FSIP1: variants seen among roughly 807,000 people sequenced by gnomAD.
FSIP1 encodes the protein fibrous sheath-interacting protein 1.
In FSIP1, 65 loss-of-function variants were observed where a neutral mutation model predicts 60.9. That is an observed-to-expected ratio of 1.07 (90% CI 0.87 to 1.31). FSIP1 has a LOEUF of 1.31. Ranked by LOEUF, FSIP1 falls within the 40% of genes most tolerant of loss-of-function variation. The probability of loss-of-function intolerance (pLI) is 0.00; values close to 1 mark genes in which losing one functional copy is unlikely to be tolerated. For synonymous variants in FSIP1, 209 were observed against 221.2 expected, an observed-to-expected ratio of 0.94 and a Z score of 0.49; for missense variants, 675 against 665.5, an observed-to-expected ratio of 1.01 and a Z score of -0.16.
intron 10 of FSIP1, among the ~76,000 whole-genome samples, chr15:39,707,960 T>C (rs1018618614): frequency 6.6e-6 from 1 of 152,120 alleles, no homozygotes; most frequent in Non-Finnish European, 1.5e-5. Flanking sequence ...AGAAAACTAC[T>C]CTCTTGTTTG....
intron 9 of FSIP1, among the ~76,000 whole-genome samples, chr15:39,722,314 A>C (rs954526592): frequency 6.6e-6 from 1 of 152,068 alleles, no homozygotes; most frequent in Non-Finnish European, 1.5e-5. Context: ...CATTATGGTG[A>C]GTTGTATAAT....
chr15:39,618,086 A>G lies in FSIP1; in HGVS notation c.1348T>C (p.Ser450Pro). ...GTTTCTGATTCATTTAGCAATTTAG[A>G]GATGATGGACCTGGAAAGCTGGGGG... The part of the protein sequence containing the change: ...VFPQLSRSII[S>P]KLLNESETKV... The change falls in exon 11 of 12, where the codon TCT becomes CCT. Residue 450 changes from serine (S) to proline (P), a missense_variant. By Grantham distance (74) the Ser-to-Pro change is moderately conservative (BLOSUM62 -1). Coordinates refer to ENST00000350221, the MANE Select transcript of FSIP1 (RefSeq NM_152597.5). The G allele has an allele frequency of 6.2e-7, 1 of 1,614,170 alleles. No individual in the cohort carries two copies. The highest frequency in any genetic ancestry group is 8.5e-7 in the Non-Finnish European group (1 of 1,180,026).
intron 5 of FSIP1, among the ~76,000 whole-genome samples, chr15:39,756,546 A>G (rs1897306128): frequency 6.6e-6 from 1 of 152,008 alleles, no homozygotes; most frequent in South Asian, 2.1e-4. Context: ...TAAGTAGCCC[A>G]GGTTGGTCTC....
At chr15:39,628,658 C>G (rs900592076) in intron 10 of FSIP1, among the ~76,000 whole-genome samples, 1 of 152,210 alleles carries the variant, frequency 6.6e-6, no homozygotes, top group Non-Finnish European at 1.5e-5. Context: ...TGCAAACTCT[C>G]TCTCTGAAAG....
chr15:39,660,614 T>C (rs756361826), intron 10 of FSIP1, among the ~76,000 whole-genome samples: 4 of 152,214 alleles, frequency 2.6e-5, no homozygotes, highest in Non-Finnish European at 4.4e-5. Flanking sequence ...AGTACATAAG[T>C]AAGAACTTAC....
chr15:39,773,659 C>G (rs924152600), intron 2 of FSIP1, among the ~76,000 whole-genome samples: 18 of 152,058 alleles, frequency 1.2e-4, no homozygotes, highest in Non-Finnish European at 1.5e-5. Context: ...ATAGTGAGAC[C>G]CCTGTCTCTA....
chr15:39,770,496 T>C lies in FSIP1; in HGVS notation c.241A>G (p.Lys81Glu). The C allele has an allele frequency of 6.2e-7, 1 of 1,612,142 alleles. No individual in the cohort carries two copies. The highest frequency in any genetic ancestry group is 8.5e-7 in the Non-Finnish European group (1 of 1,179,716). The change falls in exon 3 of 12, where the codon AAA becomes GAA. Residue 81 changes from lysine to glutamate, a missense_variant. Physicochemically the swap from Lys to Glu is moderately conservative, Grantham distance 56. Transcript: ENST00000350221. ...TCATCTGATCCCTCTTCAGCCAATTTTATTTTCTCAGAGCAGCTTTCCTGC... is the reference window on the plus strand; with the variant it reads ...TCATCTGATCCCTCTTCAGCCAATTCTATTTTCTCAGAGCAGCTTTCCTGC... ...DKQESCSEKI[K>E]LAEEGSDEDL...
chr15:39,660,796 A>G (rs1893265032), intron 10 of FSIP1, among the ~76,000 whole-genome samples: 1 of 152,208 alleles, frequency 6.6e-6, no homozygotes, highest in Admixed American at 6.5e-5. Flanking sequence ...ATGGTGGCTC[A>G]CACCTGTGAT....
At chr15:39,674,085 C>G (rs183847636) in intron 10 of FSIP1, among the ~76,000 whole-genome samples, 3 of 150,686 alleles carry the variant, frequency 2.0e-5, no homozygotes, top group Non-Finnish European at 2.9e-5. Flanking sequence ...GACAGAGTCT[C>G]GCTCTGTCGC....
intron 5 of FSIP1, among the ~76,000 whole-genome samples, chr15:39,752,105 G>A (rs1897181204): frequency 6.6e-6 from 1 of 152,008 alleles, no homozygotes; most frequent in African/African-American, 2.4e-5. Context: ...AGTATATTTA[G>A]TTTAATGAGG....
At chr15:39,621,974 C>T (rs1425008725) in intron 10 of FSIP1, among the ~76,000 whole-genome samples, 1 of 152,120 alleles carries the variant, frequency 6.6e-6, no homozygotes, top group Non-Finnish European at 1.5e-5. Context: ...TTTTAAGGCA[C>T]TATATTGATA....
At chr15:39,707,797 C>T (rs1028382688) in intron 10 of FSIP1, among the ~76,000 whole-genome samples, 1 of 152,088 alleles carries the variant, frequency 6.6e-6, no homozygotes, top group African/African-American at 2.4e-5. Context: ...GGTCACACAG[C>T]TACTAAGTGA....
intron 10 of FSIP1, among the ~76,000 whole-genome samples, chr15:39,651,571 T>C (rs775330948): frequency 2.0e-5 from 3 of 152,240 alleles, no homozygotes; most frequent in African/African-American, 4.8e-5. Flanking sequence ...CATAGAGTTG[T>C]CCTGGGTGTT....
chr15:39,663,619 T>C (rs2140456701), intron 10 of FSIP1, among the ~76,000 whole-genome samples: 1 of 152,250 alleles, frequency 6.6e-6, no homozygotes, highest in South Asian at 2.1e-4. Context: ...AGGTTAGGAA[T>C]GAAAATGGAC....
chr15:39,777,332 G>T (rs925485812), intron 1 of FSIP1, among the ~76,000 whole-genome samples: 3 of 151,968 alleles, frequency 2.0e-5, no homozygotes, highest in African/African-American at 7.3e-5. Flanking sequence ...CTATCTCCAG[G>T]CACTGCTCTC....
At chr15:39,629,758 C>T (rs1282675317) in intron 10 of FSIP1, among the ~76,000 whole-genome samples, 1 of 152,138 alleles carries the variant, frequency 6.6e-6, no homozygotes, top group African/African-American at 2.4e-5. Context: ...ATGACTTAAC[C>T]TGAAGAGGTG....
chr15:39,611,648 A>C (rs1891038213), intron 11 of FSIP1, among the ~76,000 whole-genome samples: 1 of 152,258 alleles, frequency 6.6e-6, no homozygotes, highest in African/African-American at 2.4e-5. Context: ...TGGCAGTAGC[A>C]TGTCCTTACC....
intron 2 of FSIP1, among the ~76,000 whole-genome samples, chr15:39,772,027 C>T (rs533602786): frequency 1.3e-5 from 2 of 152,300 alleles, no homozygotes; most frequent in South Asian, 2.1e-4. Context: ...CACACTTCAG[C>T]GTACCCCAAG....
chr15:39,702,671 C>T (rs745585648), intron 10 of FSIP1, among the ~76,000 whole-genome samples: 11 of 150,540 alleles, frequency 7.3e-5, no homozygotes, highest in Non-Finnish European at 1.3e-4. Flanking sequence ...TACCTCAATG[C>T]TATACTGTTT....
Sources: gnomAD v4.1 joint callset for allele counts (sites outside exome capture counted in the v4.1 genomes callset) on GRCh38, gnomAD v4.1.1 for gene constraint, MANE v1.5 for transcripts, NCBI Gene and HGNC (gene_info 2026-07-23, HGNC 2026-07-21) for gene names.